RASGRP3: variants seen among roughly 807,000 people sequenced by gnomAD.
RASGRP3 encodes the protein ras guanyl-releasing protein 3.
A neutral mutation model predicts 82.7 loss-of-function variants in RASGRP3; 54 were observed. That is an observed-to-expected ratio of 0.65 (90% CI 0.52 to 0.82). The LOEUF is 0.82. Among genes scored for constraint, RASGRP3 ranks in the 40% least tolerant of loss-of-function variants. The pLI is 0.00. For missense variants in RASGRP3, 861 were observed against 828.9 expected (o/e 1.04, Z -0.48); for synonymous variants, 309 against 300.5 (o/e 1.03, Z -0.29).
Position 33,564,664 on chromosome 2 carries a change from T to G in RASGRP3, c.*1927T>G, listed in dbSNP as rs1167784602. ...TTTTCGTACATAGGAAGTTTTATAT[T>G]GCCAGCCTTCCTGTGATAAAGATAT... On this transcript the variant is annotated 3_prime_UTR_variant, in exon 18 of 18. Transcript: ENST00000403687. 3 of 152,160 alleles carry G rather than the reference T, an allele frequency of 2.0e-5. No individual in the cohort carries two copies. The highest frequency in any genetic ancestry group is 7.2e-5 in the African/African-American group (3 of 41,430). The allele number at this position is 152,160 out of a possible 1,614,324, so 9.4% of individuals were successfully genotyped here.
intron 12 of RASGRP3, among the ~76,000 whole-genome samples, chr2:33,543,072 G>A (rs1023748765): frequency 6.6e-6 from 1 of 152,062 alleles, no homozygotes. Context: ...ACAGTGCAGC[G>A]GTGTGATCTT....
chr2:33,463,531 A>T (rs184647645), intron 2 of RASGRP3, among the ~76,000 whole-genome samples: 281 of 149,228 alleles, frequency 1.9e-3, no homozygotes, highest in Non-Finnish European at 3.1e-3. Context: ...GGGCCCACAG[A>T]GGCTGGGGTG....
chr2:33,455,835 A>T (rs995465889), intron 2 of RASGRP3, among the ~76,000 whole-genome samples: 1 of 152,178 alleles, frequency 6.6e-6, no homozygotes, highest in Non-Finnish European at 1.5e-5. Context: ...CTTCACCATG[A>T]CACCTCCTGG....
chr2:33,454,712 C>G (rs1029709853), intron 2 of RASGRP3, among the ~76,000 whole-genome samples: 11 of 152,112 alleles, frequency 7.2e-5, no homozygotes, highest in Non-Finnish European at 1.6e-4. Context: ...GGCTGGGGGA[C>G]CCTGGTCTCT....
At chr2:33,528,259 C>G (rs1672772423) in intron 10 of RASGRP3, among the ~76,000 whole-genome samples, 5 of 152,206 alleles carry the variant, frequency 3.3e-5, no homozygotes, top group Admixed American at 3.3e-4. Context: ...TATTTGGGAA[C>G]TCAATAAATG....
At chr2:33,439,977 G>C (rs1467431002) in intron 1 of RASGRP3, among the ~76,000 whole-genome samples, 1 of 152,152 alleles carries the variant, frequency 6.6e-6, no homozygotes, top group African/African-American at 2.4e-5. Context: ...AGAACAAACT[G>C]ACGCGTTTTG....
At chr2:33,476,060 T>C (rs1306565135), upstream of RASGRP3, among the ~76,000 whole-genome samples, 2 of 152,202 alleles carry the variant, frequency 1.3e-5, no homozygotes, top group Non-Finnish European at 2.9e-5. Context: ...CAGCGTCCCT[T>C]GGCTTAGCAG....
intron 1 of RASGRP3, among the ~76,000 whole-genome samples, chr2:33,491,933 G>A (rs915577465): frequency 2.0e-5 from 3 of 152,210 alleles, no homozygotes; most frequent in Admixed American, 1.3e-4. Flanking sequence ...GAACAAAGTG[G>A]AGTAGGAAGC....
intron 1 of RASGRP3, among the ~76,000 whole-genome samples, chr2:33,483,583 G>C (rs559530675): frequency 1.4e-5 from 2 of 142,972 alleles, no homozygotes; most frequent in East Asian, 4.1e-4. Flanking sequence ...CCATCTCCCG[G>C]GTTCAAGTGA....
chr2:33,557,293 G>A (rs1225034873), intron 15 of RASGRP3, among the ~76,000 whole-genome samples: 1 of 152,192 alleles, frequency 6.6e-6, no homozygotes, highest in Non-Finnish European at 1.5e-5. Flanking sequence ...GCTGCACGCT[G>A]TTTCAAAGCC....
intron 1 of RASGRP3, among the ~76,000 whole-genome samples, chr2:33,490,316 T>C (rs1370334334): frequency 6.6e-6 from 1 of 152,246 alleles, no homozygotes; most frequent in Non-Finnish European, 1.5e-5. Context: ...TGAGCTCATA[T>C]TCTACACACG....
chr2:33,487,773 G>A (rs1668520619), intron 1 of RASGRP3, among the ~76,000 whole-genome samples: 2 of 152,122 alleles, frequency 1.3e-5, no homozygotes, highest in Non-Finnish European at 2.9e-5. Context: ...GAGACTCAGA[G>A]CATTTGGAAT....
In RASGRP3 at chr2:33,558,695, C is replaced by G; in HGVS notation, c.1729C>G (p.Pro577Ala). The change falls in exon 17 of 18, where the codon CCT (proline) becomes GCT (alanine). Residue 577 changes from proline to alanine, a missense_variant. Pro to Ala is a conservative substitution (Grantham distance 27, BLOSUM62 -1). Coordinates refer to ENST00000403687, the MANE Select transcript of RASGRP3 (RefSeq NM_001139488.2). ...AGCGCAGGATGAGGTGTTTGAGTTC[C>G]CTGGAGTCACTGCTGGACACAGGGA... Reference protein sequence around the residue: ...PPAQDEVFEFPGVTAGHRDLD... With the variant: ...PPAQDEVFEFAGVTAGHRDLD... 1 of 1,608,994 alleles carries G rather than the reference C, an allele frequency of 6.2e-7. No homozygotes were observed.
chr2:33,515,435 A>G (rs538796391), intron 3 of RASGRP3, among the ~76,000 whole-genome samples: 31 of 152,276 alleles, frequency 2.0e-4, no homozygotes, highest in African/African-American at 7.2e-4. Context: ...TGTTTCTGGA[A>G]CATTCTCTGC....
chr2:33,522,783 G>C (rs774768353), intron 7 of RASGRP3, among the ~76,000 whole-genome samples: 1 of 152,164 alleles, frequency 6.6e-6, no homozygotes, highest in Non-Finnish European at 1.5e-5. Flanking sequence ...CTTTTCCAAG[G>C]TGTCAGAGAA....
chr2:33,469,903 A>G (rs1189784670), intron 2 of RASGRP3, among the ~76,000 whole-genome samples: 2 of 152,232 alleles, frequency 1.3e-5, no homozygotes, highest in Non-Finnish European at 2.9e-5. Flanking sequence ...ACTGGGTTTA[A>G]AAACCATATT....
At chr2:33,504,505 C>T (rs1318253035) in intron 1 of RASGRP3, among the ~76,000 whole-genome samples, 2 of 152,214 alleles carry the variant, frequency 1.3e-5, no homozygotes, top group African/African-American at 4.8e-5. Flanking sequence ...CCCAGCCAAA[C>T]TAATGCCTTT....
At chr2:33,546,449 A>C (rs953351242) in intron 13 of RASGRP3, among the ~76,000 whole-genome samples, 2 of 152,034 alleles carry the variant, frequency 1.3e-5, no homozygotes, top group African/African-American at 4.8e-5. Context: ...GAAAGTCAAA[A>C]AATAACAGAT....
At chr2:33,523,675 G>A (rs938815644) in intron 7 of RASGRP3, among the ~76,000 whole-genome samples, 3 of 152,010 alleles carry the variant, frequency 2.0e-5, no homozygotes, top group Admixed American at 6.6e-5. Flanking sequence ...CTTTGCGTGG[G>A]GTGAGTAGTG....
Sources: gnomAD v4.1 joint callset for allele counts (sites outside exome capture counted in the v4.1 genomes callset) on GRCh38, gnomAD v4.1.1 for gene constraint, MANE v1.5 for transcripts, NCBI Gene and HGNC (gene_info 2026-07-23, HGNC 2026-07-21) for gene names.